The following TRAPPC8 variants were observed in gnomAD, a reference collection of about 807,000 sequenced individuals.
The protein encoded by TRAPPC8 is trafficking protein particle complex subunit 8.
Under a neutral mutation model 174.3 loss-of-function variants are expected in TRAPPC8, and 54 were observed. The observed-to-expected ratio is 0.31, with a 90% CI of 0.25 to 0.39. TRAPPC8 has a LOEUF of 0.39. TRAPPC8 is among the 10% of genes least tolerant of loss of function. TRAPPC8 has a pLI of 1.00. For synonymous variants in TRAPPC8, 630 were observed against 579.9 expected (o/e 1.09, Z -1.24); for missense variants, 1,531 against 1,699.1 (o/e 0.90, Z 1.74).
chr18:31,860,564 G>A (rs2034274882), intron 19 of TRAPPC8, among the ~76,000 whole-genome samples: 1 of 152,070 alleles, frequency 6.6e-6, no homozygotes, highest in Non-Finnish European at 1.5e-5. Context: ...CAGTATAGAT[G>A]GGTAACTACT....
chr18:31,942,669 A>G lies in TRAPPC8; in HGVS notation c.96T>C (p.Thr32=), dbSNP rs775879597. ...CCGCGAAGCTGAGGTGATTGAGACG[A>G]GTGAGCCGCTCGGCTTCGTCGCTGC... is the stretch of plus-strand genomic sequence containing the variant. The part of the protein sequence containing the change: ...ALCSDEAERL[T]RLNHLSFAEL... Residue 32 remains threonine (T), a synonymous_variant, in exon 1 of 29, where the codon ACT becomes ACC. Coordinates refer to ENST00000283351, the MANE Select transcript of TRAPPC8 (RefSeq NM_014939.5). The G allele has an allele frequency of 6.2e-7, 1 of 1,611,396 alleles. No homozygotes were observed. The highest frequency in any genetic ancestry group is 2.2e-5 in the East Asian group (1 of 44,698).
At chr18:31,903,119 TGC>T (rs1555674906) in intron 9 of TRAPPC8, among the ~76,000 whole-genome samples, 20 of 84,320 alleles carry the variant, frequency 2.4e-4, no homozygotes, top group South Asian at 6.8e-4. Flanking sequence ...CGTGCGTGCG[TGC>T]GTGTGTGTGT....
intron 1 of TRAPPC8, among the ~76,000 whole-genome samples, chr18:31,935,795 G>A (rs1478789512): frequency 6.6e-6 from 1 of 150,604 alleles, no homozygotes; most frequent in Non-Finnish European, 1.5e-5. Flanking sequence ...GAGTGCAATT[G>A]CATGATTTCA....
intron 6 of TRAPPC8, chr18:31,909,447 T>A (rs2036813490): frequency 3.7e-6 from 2 of 538,346 alleles, no homozygotes; most frequent in South Asian, 1.6e-4. Context: ...TACAAAATAT[T>A]TTAAAAGAAA....
At chr18:31,859,544 ATAGAG>A (rs1479529513) in intron 19 of TRAPPC8, among the ~76,000 whole-genome samples, 2 of 86,308 alleles carry the variant, frequency 2.3e-5, no homozygotes, top group African/African-American at 7.3e-5. Context: ...AAAAAGTGAA[ATAGAG>A]TATTCAGTGT....
At chr18:31,934,360 T>C (rs187916256) in intron 1 of TRAPPC8, among the ~76,000 whole-genome samples, 6 of 152,256 alleles carry the variant, frequency 3.9e-5, no homozygotes, top group African/African-American at 1.2e-4. Context: ...GGGTTAATAT[T>C]TGTTAGTTCT....
rs752620408 is a variant in TRAPPC8, at chr18:31,874,580, T to C, written c.1853A>G (p.Asp618Gly). 2.5e-6 allele frequency: 4 copies of C among 1,614,156 alleles called. No individual in the cohort carries two copies. The East Asian group carries it at 6.7e-5, about 27-fold the overall frequency. Residue 618 changes from aspartate (D) to glycine (G), a missense_variant, in exon 13 of 29, where the codon GAT becomes GGT. Transcript: ENST00000283351. ...ATGCCTAAAAGCAGACACAGCATTA[T>C]CCAGCTGTCTAAGAGTATAGGACTG... is the stretch of plus-strand genomic sequence containing the variant. The part of the protein sequence containing the change: ...GRQSYTLRQL[D>G]NAVSAFRHIL...
Position 31,830,695 on chromosome 18 carries a change from C to A in TRAPPC8, c.*60G>T. ...AACAAGTTAGGTATATCAAATACTGCTGTAAAACCCATCCAGCAAAAACTG... is the reference window on the plus strand; with the variant it reads ...AACAAGTTAGGTATATCAAATACTGATGTAAAACCCATCCAGCAAAAACTG... On this transcript the variant is annotated 3_prime_UTR_variant, in exon 29 of 29. Transcript: ENST00000283351. 1 of 1,429,188 alleles carries A rather than the reference C, an allele frequency of 7.0e-7. No individual in the cohort carries two copies. The highest frequency in any genetic ancestry group is 1.9e-5 in the Admixed American group (1 of 53,074). The allele number at this position is 1,429,188 out of a possible 1,614,324, so 88.5% of individuals were successfully genotyped here.
intron 2 of TRAPPC8, among the ~76,000 whole-genome samples, chr18:31,918,565 A>G (rs2037245316): frequency 6.6e-6 from 1 of 152,332 alleles, no homozygotes; most frequent in Admixed American, 6.5e-5. Context: ...AAGACAAGAC[A>G]AGACAAGACA....
intron 2 of TRAPPC8, chr18:31,926,389 A>C (rs1456896431): frequency 6.6e-6 from 1 of 152,176 alleles, no homozygotes; most frequent in South Asian, 2.1e-4. Flanking sequence ...TTGACAAATT[A>C]ATCTCTCGAG....
At chr18:31,893,564 A>T (rs1308089261) in intron 11 of TRAPPC8, among the ~76,000 whole-genome samples, 1 of 152,202 alleles carries the variant, frequency 6.6e-6, no homozygotes, top group African/African-American at 2.4e-5. Context: ...AACTTTCTCC[A>T]CTGATTTTAA....
At chr18:31,842,966 G>C (rs2033186129) in intron 26 of TRAPPC8, among the ~76,000 whole-genome samples, 1 of 151,254 alleles carries the variant, frequency 6.6e-6, no homozygotes, top group Non-Finnish European at 1.5e-5. Flanking sequence ...CCATTACATA[G>C]TTTTTTTTTA....
Position 31,942,597 on chromosome 18 carries a change from A to G in TRAPPC8, c.157+11T>C. 6.3e-7 allele frequency: 1 copy of G among 1,575,228 alleles called. No homozygotes were observed. Among genetic ancestry groups the G allele is most frequent in the Non-Finnish European group, 8.6e-7 (1 of 1,160,034 alleles). The stretch of plus-strand genomic sequence containing the variant: ...GCGGGAGCCCACTGGAAAAGGGAGG[A>G]TACCACATACCCTCGGAAGTGAGGC... On this transcript the variant is annotated intron_variant, in intron 1 of 28. Coordinates refer to ENST00000283351, the MANE Select transcript of TRAPPC8 (RefSeq NM_014939.5).
Position 31,832,072 on chromosome 18 carries a change from A to G in TRAPPC8, c.4073+12T>C, listed in dbSNP as rs865902553. ...CCCAAATCAAATAACCTTGCACTAA[A>G]CAAATCTTTACCTTGTTGTTTTATG... On this transcript the variant is annotated intron_variant, in intron 28 of 28. Coordinates refer to ENST00000283351, the MANE Select transcript of TRAPPC8 (RefSeq NM_014939.5). 1 of 1,519,150 alleles carries G rather than the reference A, an allele frequency of 6.6e-7. No individual in the cohort carries two copies. Among genetic ancestry groups the G allele is most frequent in the Middle Eastern group, 1.7e-4 (1 of 5,880 alleles). 94.1% of individuals were successfully genotyped at this position (1,519,150 alleles called of 1,614,324 possible). A position where few individuals can be genotyped will look rare whatever the true frequency, so the allele number is the denominator to read the frequency against.
chr18:31,878,597 A>T (rs1281112568), intron 12 of TRAPPC8, among the ~76,000 whole-genome samples: 3 of 152,214 alleles, frequency 2.0e-5, no homozygotes, highest in Non-Finnish European at 4.4e-5. Flanking sequence ...CAGTTATACA[A>T]TTGGGACTAC....
intron 2 of TRAPPC8, among the ~76,000 whole-genome samples, chr18:31,923,756 A>C (rs1304083962): frequency 1.3e-5 from 2 of 152,096 alleles, no homozygotes; most frequent in Non-Finnish European, 2.9e-5. Context: ...GCTAAAAAAA[A>C]AAAAAACTGT....
At chr18:31,898,980 A>AT (rs1295272834) in intron 10 of TRAPPC8, among the ~76,000 whole-genome samples, 2 of 152,166 alleles carry the variant, frequency 1.3e-5, no homozygotes, top group African/African-American at 4.8e-5. Context: ...AACAGTATTT[A>AT]TTTTTGAAAC....
At chr18:31,905,029 CAA>C (rs59488247) in intron 9 of TRAPPC8, among the ~76,000 whole-genome samples, 14 of 112,394 alleles carry the variant, frequency 1.2e-4, no homozygotes, top group Admixed American at 9.3e-5. Context: ...GATTCCATCT[CAA>C]AAAAAAAAAA....
chr18:31,920,712 G>A (rs1310028041), intron 2 of TRAPPC8, among the ~76,000 whole-genome samples: 10 of 152,066 alleles, frequency 6.6e-5, no homozygotes, highest in Non-Finnish European at 1.2e-4. Context: ...GGCCGAGGCA[G>A]GCGGATCACC....
Sources: gnomAD v4.1 joint callset for allele counts (sites outside exome capture counted in the v4.1 genomes callset) on GRCh38, gnomAD v4.1.1 for gene constraint, MANE v1.5 for transcripts, NCBI Gene and HGNC (gene_info 2026-07-23, HGNC 2026-07-21) for gene names.